Variants in SLC5A4 observed in about 807,000 individuals in gnomAD.
SLC5A4 encodes probable glucose sensor protein SLC5A4.
SLC5A4 carries 55 observed loss-of-function variants against 70.3 expected under a neutral mutation model. The ratio of observed to expected loss-of-function variants is 0.78; its 90% CI spans 0.63 to 0.98. The LOEUF (loss-of-function observed/expected upper bound fraction) is 0.98. SLC5A4 is among the 50% of genes least tolerant of loss of function. SLC5A4 has a pLI of 0.00. For synonymous variants in SLC5A4, 268 were observed against 305.7 expected, an observed-to-expected ratio of 0.88 and a Z score of 1.29; for missense variants, 735 against 839.2, an observed-to-expected ratio of 0.88 and a Z score of 1.53.
chr22:32,268,802 C>T, the SLC5A4 span, among the ~76,000 whole-genome samples: 2 of 152,162 alleles, frequency 1.3e-5, no homozygotes, highest in Non-Finnish European at 2.9e-5. Flanking sequence ...TGGTAGTCGC[C>T]ATTGGCTGCA....
At chr22:32,232,668 C>T (rs1925825393) in intron 9 of SLC5A4, among the ~76,000 whole-genome samples, 1 of 152,040 alleles carries the variant, frequency 6.6e-6, no homozygotes, top group Non-Finnish European at 1.5e-5. Context: ...ACGGAACTCA[C>T]AGACTCAAAT....
At chr22:32,236,462 C>G (rs568528513) in intron 7 of SLC5A4, among the ~76,000 whole-genome samples, 1 of 152,296 alleles carries the variant, frequency 6.6e-6, no homozygotes, top group East Asian at 1.9e-4. Flanking sequence ...AAATCCACTA[C>G]AATACATTGT....
chr22:32,258,757 C>T (rs914038151), upstream of SLC5A4, among the ~76,000 whole-genome samples: 2 of 152,016 alleles, frequency 1.3e-5, no homozygotes, highest in South Asian at 2.1e-4. Flanking sequence ...AAATTGGCAT[C>T]GCAAAAAGAT....
chr22:32,242,738 T>A (rs1926611920), intron 5 of SLC5A4, among the ~76,000 whole-genome samples: 1 of 151,974 alleles, frequency 6.6e-6, no homozygotes, highest in African/African-American at 2.4e-5. Context: ...TAACTGCATA[T>A]AATAATATTG....
chr22:32,287,642 CTTTTTTCTTTTTCTTTT>C, the SLC5A4 span, among the ~76,000 whole-genome samples: 1 of 144,502 alleles, frequency 6.9e-6, no homozygotes, highest in East Asian at 2.2e-4. Context: ...TTGTTTCTTT[CTTTTTTCTTTTTCTTTT>C]TTTTTCTTTA....
At chr22:32,353,542 T>A in the SLC5A4 span, among the ~76,000 whole-genome samples, 1 of 115,718 alleles carries the variant, frequency 8.6e-6, no homozygotes, top group Non-Finnish European at 2.3e-5. Flanking sequence ...GGACCGCTCC[T>A]CTGACCACCC....
At chr22:32,353,742 G>A in the SLC5A4 span, among the ~76,000 whole-genome samples, 9 of 150,974 alleles carry the variant, frequency 6.0e-5, no homozygotes, top group Non-Finnish European at 1.0e-4. Context: ...CCCAGAACCC[G>A]CCCCCTGCCG....
intron 3 of SLC5A4, 87 bp downstream of exon 3, chr22:32,251,683 T>C: frequency 1.2e-6 from 1 of 849,462 alleles, no homozygotes; most frequent in Non-Finnish European, 2.0e-6. Flanking sequence ...TTATCCAGCC[T>C]GTGATATTCT....
intron 1 of SLC5A4, among the ~76,000 whole-genome samples, chr22:32,254,571 G>A (rs921641144): frequency 1.2e-4 from 19 of 152,160 alleles, no homozygotes; most frequent in Admixed American, 2.6e-4. Flanking sequence ...TTGGAGGGCC[G>A]AGGCGGGTGG....
At chr22:32,325,318 C>T in the SLC5A4 span, among the ~76,000 whole-genome samples, 4 of 152,242 alleles carry the variant, frequency 2.6e-5, no homozygotes, top group Admixed American at 6.5e-5. Flanking sequence ...AGCAGACCCA[C>T]GCTGTGTCAG....
the SLC5A4 span, chr22:32,270,946 G>T: frequency 1.8e-6 from 1 of 558,522 alleles, no homozygotes; most frequent in Non-Finnish European, 3.3e-6. Flanking sequence ...AGAGCTGCCT[G>T]AGCGGGGCTC....
chr22:32,292,821 TCTTA>T, the SLC5A4 span, among the ~76,000 whole-genome samples: 10 of 152,204 alleles, frequency 6.6e-5, no homozygotes, highest in East Asian at 3.8e-4. Flanking sequence ...TTCTTCATAT[TCTTA>T]CTTATTTTTC....
chr22:32,326,979 C>T, the SLC5A4 span, among the ~76,000 whole-genome samples: 8 of 152,174 alleles, frequency 5.3e-5, no homozygotes, highest in Non-Finnish European at 1.2e-4. Flanking sequence ...AGCAGGGCCC[C>T]GTGCTGCTGA....
chr22:32,321,619 ACCTTCCG>A, the SLC5A4 span, among the ~76,000 whole-genome samples: 1 of 151,996 alleles, frequency 6.6e-6, no homozygotes, highest in Non-Finnish European at 1.5e-5. Context: ...CCCTCCTCCC[ACCTTCCG>A]CCCTTCAGTG....
chr22:32,251,081 A>G (rs938579641), intron 3 of SLC5A4, among the ~76,000 whole-genome samples: 3 of 148,004 alleles, frequency 2.0e-5, no homozygotes, highest in Admixed American at 6.9e-5. Context: ...TATGTAACAA[A>G]CCTGCAGGTT....
At chr22:32,290,511 A>G in the SLC5A4 span, among the ~76,000 whole-genome samples, 1 of 152,090 alleles carries the variant, frequency 6.6e-6, no homozygotes, top group African/African-American at 2.4e-5. Context: ...GAAAACTTGT[A>G]CTTTTTATTT....
At chr22:32,286,626 G>A in the SLC5A4 span, among the ~76,000 whole-genome samples, 4 of 152,216 alleles carry the variant, frequency 2.6e-5, no homozygotes, top group African/African-American at 9.7e-5. Context: ...TTAGTGGCTG[G>A]TGATGTGTGC....
chr22:32,269,689 C>T, the SLC5A4 span: 1 of 601,272 alleles, frequency 1.7e-6, no homozygotes, highest in African/African-American at 1.8e-5. The surrounding 1 kb of genome is among the most constrained non-coding windows in gnomAD (Gnocchi z 4.1). Flanking sequence ...CAGAGCATTC[C>T]CCCGTACGGT....
the SLC5A4 span, among the ~76,000 whole-genome samples, chr22:32,318,650 T>C: frequency 6.6e-6 from 1 of 152,214 alleles, no homozygotes; most frequent in Non-Finnish European, 1.5e-5. Flanking sequence ...AGCAGGATTC[T>C]TGCAGTGGGT....
Sources: allele counts gnomAD v4.1 joint callset (sites outside exome capture counted in the v4.1 genomes callset), GRCh38; gene constraint gnomAD v4.1.1; non-coding constraint Gnocchi (gnomAD v3.1); transcripts MANE v1.5; gene names NCBI Gene and HGNC (gene_info 2026-07-23, HGNC 2026-07-21).